Variants in MCCC2 observed in about 807,000 individuals in gnomAD.
MCCC2 encodes methylcrotonoyl-CoA carboxylase beta chain, mitochondrial.
In MCCC2, 52 loss-of-function variants were observed where a neutral mutation model predicts 77.2. The ratio of observed to expected loss-of-function variants is 0.67; its 90% confidence interval spans 0.54 to 0.85. MCCC2 has a LOEUF of 0.85. Ranked by LOEUF, MCCC2 falls within the 40% of genes least tolerant of loss-of-function variation. The pLI, the probability that MCCC2 is intolerant of heterozygous loss-of-function variation, is 0.00. For synonymous variants in MCCC2, 253 were observed against 248.4 expected, an observed-to-expected ratio of 1.02 and a Z score of -0.18; for missense variants, 682 against 703.2, an observed-to-expected ratio of 0.97 and a Z score of 0.34.
intron 6 of MCCC2, among the ~76,000 whole-genome samples, chr5:71,609,033 A>G (rs897235190): frequency 1.5e-4 from 23 of 151,800 alleles, no homozygotes; most frequent in Non-Finnish European, 3.4e-4. Flanking sequence ...GGTGAATCTG[A>G]CAATTATGTG....
chr5:71,602,478 T>A (rs777370880), intron 4 of MCCC2, 28 bp from the exon 5 acceptor site: 11 of 1,614,094 alleles, frequency 6.8e-6, no homozygotes, highest in Non-Finnish European at 9.3e-6. Context: ...TCTTAAATTC[T>A]CTCTCCAATG....
At chr5:71,653,867 A>T (rs1421084886) in intron 16 of MCCC2, among the ~76,000 whole-genome samples, 5 of 143,108 alleles carry the variant, frequency 3.5e-5, no homozygotes, top group African/African-American at 1.3e-4. Context: ...AAAAAAAAAA[A>T]GCAAAAGTTA....
intron 2 of MCCC2, 39 bp from the exon 3 acceptor site, chr5:71,596,241 G>T (rs766278967): frequency 9.6e-6 from 15 of 1,562,680 alleles, no homozygotes; most frequent in Non-Finnish European, 1.2e-5. Flanking sequence ...CCTTTTTATC[G>T]TGTCAATCTA....
intron 6 of MCCC2, among the ~76,000 whole-genome samples, chr5:71,616,676 T>A (rs139397307): frequency 6.6e-6 from 1 of 152,212 alleles, no homozygotes; most frequent in Non-Finnish European, 1.5e-5. Context: ...GCTCTTTCCC[T>A]AGGACTTGAT....
intron 8 of MCCC2, among the ~76,000 whole-genome samples, chr5:71,634,668 C>T (rs980258960): frequency 1.3e-5 from 2 of 152,104 alleles, no homozygotes; most frequent in Non-Finnish European, 1.5e-5. Flanking sequence ...AAATAGAAGG[C>T]GGGGGTTCTT....
intron 14 of MCCC2, 76 bp from the exon 15 acceptor site, chr5:71,649,993 A>G: frequency 8.7e-7 from 1 of 1,146,422 alleles, no homozygotes; most frequent in Non-Finnish European, 1.3e-6. Context: ...CACTAATTTA[A>G]AAGGCAAACA....
At chr5:71,618,607 G>A (rs560187049) in intron 6 of MCCC2, among the ~76,000 whole-genome samples, 22 of 148,674 alleles carry the variant, frequency 1.5e-4, no homozygotes, top group African/African-American at 4.7e-4. Context: ...GGCTGGTCTT[G>A]AACTCCTGGC....
chr5:71,602,722 G>A (rs1052908371), intron 5 of MCCC2, 89 bp downstream of exon 5: 2 of 1,570,586 alleles, frequency 1.3e-6, no homozygotes, highest in African/African-American at 2.7e-5. Context: ...TTTGGGATGG[G>A]TATTTTATAA....
At chr5:71,628,596 T>A (rs1373008966) in intron 7 of MCCC2, among the ~76,000 whole-genome samples, 2 of 152,204 alleles carry the variant, frequency 1.3e-5, no homozygotes, top group Admixed American at 6.5e-5. Context: ...GCTCTATATG[T>A]GGATATGCAG....
At chr5:71,602,390 G>A in intron 4 of MCCC2, 116 bp from the exon 5 acceptor site, 1 of 1,290,080 alleles carries the variant, frequency 7.8e-7, no homozygotes, top group South Asian at 1.2e-5. Flanking sequence ...GCTAATGGAT[G>A]TTAATAGTGA....
chr5:71,596,376 GC>G lies in MCCC2; in HGVS notation c.281+14del, dbSNP rs1297973133. 3.1e-6 allele frequency: 5 copies of G among 1,604,622 alleles called. No homozygotes were observed. Among genetic ancestry groups the G allele is most frequent in the Non-Finnish European group, 4.3e-6 (5 of 1,171,540 alleles). On this transcript the variant is annotated intron_variant, in intron 3 of 16. Coordinates refer to ENST00000340941, the MANE Select transcript of MCCC2 (RefSeq NM_022132.5). ...CTCATAGACCCAGGGTGCGTACATA[GC>G]CAAGTACTGACTCAGAGTGTTCTCT...
chr5:71,633,033 C>CT lies in MCCC2; in HGVS notation c.803+859dup, dbSNP rs1164181528. Among the ~76,000 whole-genome samples, 375 of 108,602 alleles carry CT rather than the reference C, an allele frequency of 3.5e-3. 3 individuals carry two copies. The highest frequency in any genetic ancestry group is 0.011 in the African/African-American group (304 of 28,808). The allele number at this position is 108,602 out of a possible 152,430, so 71.2% of individuals were successfully genotyped here. On this transcript the variant is annotated intron_variant, in intron 8 of 16. Transcript: ENST00000340941. ...ATAGTTGCTCAATAAAGGTTTTAGACTTTTTTTTTTTAGGAGTAATTGGGA... is the reference window on the plus strand; with the variant it reads ...ATAGTTGCTCAATAAAGGTTTTAGACTTTTTTTTTTTTAGGAGTAATTGGGA...
intron 6 of MCCC2, among the ~76,000 whole-genome samples, chr5:71,620,554 TC>T (rs1172515039): frequency 1.6e-4 from 25 of 152,278 alleles, no homozygotes; most frequent in African/African-American, 6.0e-4. Flanking sequence ...ATAAAAAATC[TC>T]TTAGCTCTCT....
chr5:71,614,021 G>A (rs1304412958), intron 6 of MCCC2, among the ~76,000 whole-genome samples: 8 of 55,340 alleles, frequency 1.4e-4, no homozygotes, highest in South Asian at 6.8e-4. Flanking sequence ...TATGTATAAC[G>A]TATATAATAC....
chr5:71,609,853 G>A (rs1353282267), intron 6 of MCCC2, among the ~76,000 whole-genome samples: 2 of 151,942 alleles, frequency 1.3e-5, no homozygotes, highest in Non-Finnish European at 2.9e-5. Context: ...TGCCCCTGCT[G>A]GGGGGTGCCT....
chr5:71,609,827 G>A lies in MCCC2; in HGVS notation c.624+5359G>A, dbSNP rs987301367. Among the ~76,000 whole-genome samples, 886 of 151,982 alleles carry A rather than the reference G, an allele frequency of 5.8e-3. 15 individuals are homozygous for A. Among genetic ancestry groups the A allele is most frequent in the African/African-American group, 0.02 (841 of 41,348 alleles). On this transcript the variant is annotated intron_variant, in intron 6 of 16. Transcript: ENST00000340941. ...TGCAGGTCTGTTGGAATACCCTGCC[G>A]TGTGAGATGTCAGTGTGCCCCTGCT... is the stretch of plus-strand genomic sequence containing the variant.
rs775287005 is a variant in MCCC2 at position 71,652,657 on chromosome 5, CTT to C, written c.1489-9_1489-8del. On this transcript the variant is annotated splice_polypyrimidine_tract_variant and intron_variant, in intron 15 of 16. Transcript: ENST00000340941. ...ACTGAAGCTGACTTACTCATGGCCTCTTTTCCTTTAGTTCTCCAGTGCTGATG... is the reference window on the plus strand; with the variant it reads ...ACTGAAGCTGACTTACTCATGGCCTCTTCCTTTAGTTCTCCAGTGCTGATG... 3.7e-6 allele frequency: 6 copies of C among 1,613,468 alleles called. No homozygotes were observed. The African/African-American group carries it at 6.7e-5, about 18-fold the overall frequency.
intron 6 of MCCC2, among the ~76,000 whole-genome samples, chr5:71,615,770 C>G (rs1380228140): frequency 4.6e-5 from 7 of 152,124 alleles, no homozygotes; most frequent in Non-Finnish European, 7.3e-5. Context: ...GATAGGGGTA[C>G]TAGAAGAATC....
intron 13 of MCCC2, among the ~76,000 whole-genome samples, chr5:71,646,991 A>G (rs1017785286): frequency 6.6e-6 from 1 of 152,188 alleles, no homozygotes; most frequent in African/African-American, 2.4e-5. Flanking sequence ...CCAAAGTGAG[A>G]TATGTCACCT....
Sources: allele counts gnomAD v4.1 joint callset (sites outside exome capture counted in the v4.1 genomes callset), GRCh38; gene constraint gnomAD v4.1.1; transcripts MANE v1.5; gene names NCBI Gene and HGNC (gene_info 2026-07-23, HGNC 2026-07-21).